Variants in PPP2R3A observed in about 807,000 individuals in gnomAD.
PPP2R3A encodes protein phosphatase 2 regulatory subunit B''alpha.
A neutral mutation model predicts 106.9 loss-of-function variants in PPP2R3A; 80 were observed. That is an observed-to-expected ratio of 0.75 (90% CI 0.62 to 0.90). The LOEUF (loss-of-function observed/expected upper bound fraction) is 0.90. PPP2R3A is among the 40% of genes least tolerant of loss of function. The probability of loss-of-function intolerance (pLI) is 0.00; values close to 1 mark genes in which losing one functional copy is unlikely to be tolerated. For missense variants in PPP2R3A, 1,386 were observed against 1,350.4 expected (o/e 1.03, Z -0.41); for synonymous variants, 483 against 468.3 (o/e 1.03, Z -0.41).
intron 5 of PPP2R3A, among the ~76,000 whole-genome samples, chr3:136,061,415 G>A (rs1321122853): frequency 2.0e-5 from 3 of 151,832 alleles, no homozygotes; most frequent in East Asian, 1.9e-4. Flanking sequence ...ATCACTTGAG[G>A]TCAGGAGTTT....
At chr3:136,085,289 C>G (rs1936896835) in intron 8 of PPP2R3A, among the ~76,000 whole-genome samples, 1 of 152,062 alleles carries the variant, frequency 6.6e-6, no homozygotes, top group African/African-American at 2.4e-5. Flanking sequence ...AAGGGGAGTT[C>G]CCCCACACAC....
At chr3:136,000,360 G>A (rs1188007763) in intron 1 of PPP2R3A, among the ~76,000 whole-genome samples, 3 of 152,120 alleles carry the variant, frequency 2.0e-5, no homozygotes, top group Non-Finnish European at 4.4e-5. Flanking sequence ...GAACCTTCTT[G>A]GAAAGCAACT....
chr3:136,004,141 A>AT (rs763012687), intron 2 of PPP2R3A, among the ~76,000 whole-genome samples: 12 of 152,256 alleles, frequency 7.9e-5, no homozygotes, highest in Non-Finnish European at 1.6e-4. Flanking sequence ...GAGAATAAAT[A>AT]TCAATCTAGA....
chr3:136,146,731 AAC>A lies in PPP2R3A; in HGVS notation c.*1569_*1570del, dbSNP rs1034769780. The A allele has an allele frequency of 2.8e-4, 42 of 152,186 alleles. No individual in the cohort carries two copies. Among genetic ancestry groups the A allele is most frequent in the Admixed American group, 7.9e-4 (12 of 15,282 alleles). The allele number at this position is 152,186 out of a possible 1,614,324, so 9.4% of individuals were successfully genotyped here. The stretch of plus-strand genomic sequence containing the variant: ...AAAAGCTTAAAAATAATTTTTAGGA[AAC>A]ACAATATTCAAAATCTAAACACACT... On this transcript the variant is annotated 3_prime_UTR_variant, in exon 14 of 14. Transcript: ENST00000264977.
chr3:136,035,953 G>T (rs769928040), intron 3 of PPP2R3A, among the ~76,000 whole-genome samples: 1 of 151,824 alleles, frequency 6.6e-6, no homozygotes, highest in African/African-American at 2.4e-5. Flanking sequence ...GTTGGATTGG[G>T]TTAATTTGAA....
intron 1 of PPP2R3A, among the ~76,000 whole-genome samples, chr3:135,983,910 A>C (rs1416505442): frequency 6.6e-6 from 1 of 152,198 alleles, no homozygotes; most frequent in Non-Finnish European, 1.5e-5. Context: ...ATTGGTTTTT[A>C]AGAGTCACCT....
At chr3:135,966,328 C>T (rs946994908) in intron 1 of PPP2R3A, among the ~76,000 whole-genome samples, 12 of 152,212 alleles carry the variant, frequency 7.9e-5, no homozygotes, top group African/African-American at 2.9e-4. Flanking sequence ...CCTGCCCAAC[C>T]TCGGCCCGAC....
chr3:136,123,990 C>A (rs1472826285), intron 13 of PPP2R3A, among the ~76,000 whole-genome samples: 2 of 152,054 alleles, frequency 1.3e-5, no homozygotes, highest in Non-Finnish European at 2.9e-5. Context: ...ACATCTTTGG[C>A]AGATAAAATA....
At chr3:136,043,062 A>T (rs1408344923) in intron 4 of PPP2R3A, among the ~76,000 whole-genome samples, 2 of 152,108 alleles carry the variant, frequency 1.3e-5, no homozygotes, top group African/African-American at 4.8e-5. Context: ...ACAGGTAATT[A>T]TACAGAATTA....
chr3:136,000,296 C>A (rs1462885873), intron 1 of PPP2R3A, among the ~76,000 whole-genome samples: 1 of 152,128 alleles, frequency 6.6e-6, no homozygotes, highest in East Asian at 1.9e-4. Flanking sequence ...ATACAAAGAA[C>A]CTGGTACACA....
At chr3:136,086,008 T>C (rs952075089) in intron 8 of PPP2R3A, among the ~76,000 whole-genome samples, 5 of 151,994 alleles carry the variant, frequency 3.3e-5, no homozygotes, top group African/African-American at 1.2e-4. Flanking sequence ...CACATGCCTG[T>C]AGTCCCAGCT....
intron 1 of PPP2R3A, among the ~76,000 whole-genome samples, chr3:135,969,294 G>C (rs555982752): frequency 6.6e-6 from 1 of 152,124 alleles, no homozygotes; most frequent in Non-Finnish European, 1.5e-5. Context: ...AAGAATGGTC[G>C]TATTGGAGAT....
chr3:136,032,435 G>A (rs972610733), intron 3 of PPP2R3A, among the ~76,000 whole-genome samples: 6 of 151,008 alleles, frequency 4.0e-5, no homozygotes, highest in Admixed American at 6.6e-5. Context: ...TTCTGGAGGA[G>A]TTTTTAGGAT....
At chr3:136,084,866 C>G (rs1263965655) in intron 8 of PPP2R3A, among the ~76,000 whole-genome samples, 1 of 152,182 alleles carries the variant, frequency 6.6e-6, no homozygotes, top group African/African-American at 2.4e-5. Flanking sequence ...CTGATTTCTC[C>G]CATTTGGAAC....
At chr3:136,087,129 G>A (rs1313383963) in intron 8 of PPP2R3A, among the ~76,000 whole-genome samples, 7 of 152,054 alleles carry the variant, frequency 4.6e-5, no homozygotes, top group South Asian at 2.1e-4. Context: ...ACTTGAATCC[G>A]GGAGGCGGAG....
chr3:136,060,116 T>C (rs377740538), intron 5 of PPP2R3A, among the ~76,000 whole-genome samples: 4 of 152,152 alleles, frequency 2.6e-5, no homozygotes, highest in Non-Finnish European at 4.4e-5. Flanking sequence ...AGTCAGCACA[T>C]GAGCACCCGA....
intron 1 of PPP2R3A, among the ~76,000 whole-genome samples, chr3:135,988,668 C>T (rs1343619768): frequency 6.6e-6 from 1 of 152,110 alleles, no homozygotes; most frequent in East Asian, 1.9e-4. Flanking sequence ...ATCTGGTGTT[C>T]CTTTTGCTTC....
At chr3:136,031,635 A>G (rs1204180215) in intron 3 of PPP2R3A, among the ~76,000 whole-genome samples, 1 of 152,204 alleles carries the variant, frequency 6.6e-6, no homozygotes, top group Non-Finnish European at 1.5e-5. Context: ...TTATAGTTTC[A>G]GGTCTTAGAT....
intron 12 of PPP2R3A, among the ~76,000 whole-genome samples, chr3:136,105,435 G>A (rs575296726): frequency 6.6e-6 from 1 of 152,162 alleles, no homozygotes; most frequent in African/African-American, 2.4e-5. Flanking sequence ...AGACCAGCCT[G>A]GGCAACATAG....
Sources: allele counts gnomAD v4.1 joint callset (sites outside exome capture counted in the v4.1 genomes callset), GRCh38; gene constraint gnomAD v4.1.1; transcripts MANE v1.5; gene names NCBI Gene and HGNC (gene_info 2026-07-23, HGNC 2026-07-21).